The following PCDHGA5 variants were observed in gnomAD, a reference collection of about 807,000 sequenced individuals.
PCDHGA5 encodes protocadherin gamma-A5.
A neutral mutation model predicts 56.7 loss-of-function variants in PCDHGA5; 36 were observed. The ratio of observed to expected loss-of-function variants is 0.64; its 90% CI spans 0.49 to 0.84. PCDHGA5 has a LOEUF of 0.84. Ranked by LOEUF, PCDHGA5 falls within the 40% of genes least tolerant of loss-of-function variation. The probability of loss-of-function intolerance (pLI) is 0.00; values close to 1 mark genes in which losing one functional copy is unlikely to be tolerated. For synonymous variants in PCDHGA5, 563 were observed against 520.2 expected (o/e 1.08, Z -1.12); for missense variants, 1,305 against 1,201.5 (o/e 1.09, Z -1.27).
chr5:141,441,310 C>T (rs2098239133), intron 1 of PCDHGA5: 1 of 152,154 alleles, frequency 6.6e-6, no homozygotes, highest in Non-Finnish European at 1.5e-5. Context: ...AGAAAATGCA[C>T]CTTGAGAAAA....
Position 141,371,577 on chromosome 5 carries a change from G to A in PCDHGA5, c.2421+4826G>A, listed in dbSNP as rs202142331. The A allele has an allele frequency of 9.5e-4, 1,537 of 1,613,860 alleles. 3 individuals carry two copies. The highest frequency in any genetic ancestry group is 1.3e-3 in the Middle Eastern group (8 of 6,062). On this transcript the variant is annotated intron_variant, in intron 1 of 3. Transcript: ENST00000518069. The stretch of plus-strand genomic sequence containing the variant: ...AAAAGGAAACTTCCCCTTTAAAATC[G>A]TTCAAGATACCAAAAACACATACAG...
intron 1 of PCDHGA5, among the ~76,000 whole-genome samples, chr5:141,465,038 G>T (rs1297185291): frequency 6.6e-6 from 1 of 151,642 alleles, no homozygotes; most frequent in Non-Finnish European, 1.5e-5. Flanking sequence ...CACCACAAAT[G>T]ACCCTATATA....
At chr5:141,410,787 T>C in intron 1 of PCDHGA5, 2 of 844,672 alleles carry the variant, frequency 2.4e-6, no homozygotes, top group South Asian at 4.4e-5. Flanking sequence ...TGTATTTGGT[T>C]CATAAGTTGC....
intron 1 of PCDHGA5, chr5:141,413,467 G>T: frequency 6.2e-7 from 1 of 1,614,136 alleles, no homozygotes; most frequent in Non-Finnish European, 8.5e-7. Context: ...AGACCGGGAG[G>T]AGCTCTGCGC....
At chr5:141,500,192 A>T (rs865941565) in intron 2 of PCDHGA5, among the ~76,000 whole-genome samples, 1 of 110,142 alleles carries the variant, frequency 9.1e-6, no homozygotes, top group Non-Finnish European at 2.0e-5. Context: ...ATTTTTATTT[A>T]TTTATTTATT....
intron 1 of PCDHGA5, chr5:141,409,909 T>C (rs772516694): frequency 1.2e-6 from 2 of 1,613,200 alleles, no homozygotes; most frequent in African/African-American, 2.7e-5. Flanking sequence ...CTCTGGGTCC[T>C]GACGGCTCCG....
chr5:141,505,402 T>G lies in PCDHGA5; in HGVS notation c.2490T>G (p.Asn830Lys), dbSNP rs1216666169. 1.9e-6 allele frequency: 3 copies of G among 1,614,014 alleles called. No homozygotes were observed. Among genetic ancestry groups the G allele is most frequent in the Non-Finnish European group, 2.5e-6 (3 of 1,180,034 alleles). Residue 830 changes from asparagine (N) to lysine (K), a missense_variant, in exon 3 of 4, where the codon AAT (asparagine) becomes AAG (lysine). Coordinates refer to ENST00000518069, the MANE Select transcript of PCDHGA5 (RefSeq NM_018918.3). The part of the protein sequence containing the change: ...AQRPGTSGSQ[N>K]GDDTGTWPNN... ...CCTACTCTCTCCCCAGCTCCCAAAA[T>G]GGCGATGACACCGGCACCTGGCCCA...
At chr5:141,437,426 C>G (rs531265278) in intron 1 of PCDHGA5, among the ~76,000 whole-genome samples, 2 of 152,150 alleles carry the variant, frequency 1.3e-5, no homozygotes, top group Non-Finnish European at 2.9e-5. Context: ...CTTTTTGAAG[C>G]AGCAATAGCA....
chr5:141,501,304 C>T (rs1005430489), intron 2 of PCDHGA5, among the ~76,000 whole-genome samples: 104 of 151,340 alleles, frequency 6.9e-4, no homozygotes, highest in African/African-American at 2.2e-3. Flanking sequence ...CACACACACA[C>T]ACACACACAC....
At chr5:141,382,914 G>A in intron 1 of PCDHGA5, 1 of 1,552,980 alleles carries the variant, frequency 6.4e-7, no homozygotes, top group Non-Finnish European at 8.7e-7. Flanking sequence ...CGGCTCAGCC[G>A]AGGGGCGGGG....
At position 141,477,596 on chromosome 5, in the gene PCDHGA5, T is replaced by G. The variant is rs1364779381; in HGVS notation, c.2422-17211T>G. ...CGCCCCGCAGAATGCTCGGCTTTCTTTCTTTCTCTTGGAGCAAGGAGCTGA... is the reference window on the plus strand; with the variant it reads ...CGCCCCGCAGAATGCTCGGCTTTCTGTCTTTCTCTTGGAGCAAGGAGCTGA... On this transcript the variant is annotated intron_variant, in intron 1 of 3. Transcript: ENST00000518069. This position sits in a 1 kb window ranked among gnomAD's most constrained non-coding sequence, Gnocchi z 4.9. The G allele has an allele frequency of 6.2e-7, 1 of 1,614,184 alleles. No individual in the cohort carries two copies. The highest frequency in any genetic ancestry group is 1.1e-5 in the South Asian group (1 of 91,086).
rs751043135 is a variant in PCDHGA5 at position 141,364,929 on chromosome 5, T to C, written c.599T>C (p.Leu200Pro). The C allele has an allele frequency of 1.9e-6, 3 of 1,613,810 alleles. No individual in the cohort carries two copies. The highest frequency in any genetic ancestry group is 2.7e-5 in the African/African-American group (2 of 74,914). Residue 200 changes from leucine to proline, a missense_variant, in exon 1 of 4, where the codon CTA becomes CCA. Coordinates refer to ENST00000518069, the MANE Select transcript of PCDHGA5 (RefSeq NM_018918.3). ...KYPELVLEQP[L>P]DREKETVHDL... ...CCGGAGCTGGTGTTGGAACAGCCCC[T>C]AGACCGCGAGAAAGAGACTGTTCAC...
intron 1 of PCDHGA5, chr5:141,384,783 G>C (rs768506502): frequency 1.4e-5 from 22 of 1,613,560 alleles, no homozygotes; most frequent in East Asian, 2.2e-5. Context: ...AGGTGCGCAC[G>C]GCTCGGGCCC....
intron 2 of PCDHGA5, among the ~76,000 whole-genome samples, chr5:141,500,189 TTTATTTA>T (rs1562193869): frequency 4.5e-5 from 5 of 110,894 alleles, no homozygotes; most frequent in African/African-American, 1.8e-4. Context: ...TTTATTTTTA[TTTATTTA>T]TTTATTTATT....
intron 2 of PCDHGA5, among the ~76,000 whole-genome samples, chr5:141,501,838 G>C (rs888418141): frequency 6.6e-6 from 1 of 152,000 alleles, no homozygotes; most frequent in African/African-American, 2.4e-5. Flanking sequence ...CACCTGTTTG[G>C]CCCTCAACCT....
chr5:141,418,178 G>A, intron 1 of PCDHGA5: 1 of 1,614,080 alleles, frequency 6.2e-7, no homozygotes, highest in Non-Finnish European at 8.5e-7. Flanking sequence ...GTTGCAATTG[G>A]AAGCTGTGGT....
Position 141,432,097 on chromosome 5 carries a change from C to G in PCDHGA5, c.2422-62710C>G. ...TCTCGCTGAACGTGGCAGACACCAA[C>G]GACAACCCGCCGGTCTTCCCTCAGG... On this transcript the variant is annotated intron_variant, in intron 1 of 3. Transcript: ENST00000518069. This position sits in a 1 kb window ranked among gnomAD's most constrained non-coding sequence, Gnocchi z 6.0. The G allele has an allele frequency of 6.2e-7, 1 of 1,614,184 alleles. No homozygotes were observed.
chr5:141,372,007 G>T, intron 1 of PCDHGA5: 3 of 1,613,298 alleles, frequency 1.9e-6, no homozygotes, highest in Non-Finnish European at 2.5e-6. Flanking sequence ...CGCGACCAGG[G>T]CTCGCCTACG....
At chr5:141,495,771 C>T (rs941051365) in intron 2 of PCDHGA5, among the ~76,000 whole-genome samples, 1 of 152,110 alleles carries the variant, frequency 6.6e-6, no homozygotes, top group Non-Finnish European at 1.5e-5. Flanking sequence ...TGTCCTTGTC[C>T]TGGACCTCTT....
Sources: allele counts gnomAD v4.1 joint callset (sites outside exome capture counted in the v4.1 genomes callset), GRCh38; gene constraint gnomAD v4.1.1; non-coding constraint Gnocchi (gnomAD v3.1); transcripts MANE v1.5; gene names NCBI Gene and HGNC (gene_info 2026-07-23, HGNC 2026-07-21).